The following APBB2 variants were observed in gnomAD, a reference collection of about 807,000 sequenced individuals.
APBB2 encodes Fe65-like 1.
In APBB2, 38 loss-of-function variants were observed where a neutral mutation model predicts 82.5. That is an observed-to-expected ratio of 0.46 (90% CI 0.36 to 0.60). The LOEUF is 0.60. APBB2 is among the 20% of genes least tolerant of loss of function. APBB2 has a pLI of 0.00. For missense variants in APBB2, 772 were observed against 972.3 expected (o/e 0.79, Z 2.74); for synonymous variants, 341 against 368.2 (o/e 0.93, Z 0.85).
At chr4:41,198,711 C>T in intron 1 of APBB2, among the ~76,000 whole-genome samples, 21 of 152,350 alleles carry the variant, frequency 1.4e-4, no homozygotes, top group African/African-American at 4.6e-4. Context: ...AATTTATTCT[C>T]TCTCGGTTCT....
At chr4:40,938,661 C>T (rs13123901) in intron 7 of APBB2, among the ~76,000 whole-genome samples, 33,314 of 152,080 alleles carry the variant, frequency 0.22, 4,546 homozygotes, top group East Asian at 0.52. Context: ...AAAATCTCTA[C>T]GAAGTGGTAG....
At chr4:41,007,693 C>T (rs1807146204) in intron 6 of APBB2, among the ~76,000 whole-genome samples, 3 of 152,290 alleles carry the variant, frequency 2.0e-5, no homozygotes, top group African/African-American at 7.2e-5. Context: ...TCTATTTCTA[C>T]AAGCATATTG....
chr4:41,190,297 G>A (rs1370044501), intron 1 of APBB2, among the ~76,000 whole-genome samples: 1 of 134,422 alleles, frequency 7.4e-6, no homozygotes, highest in East Asian at 2.1e-4. Context: ...CGTCGCCCAG[G>A]CTGGAGCGCA....
At chr4:41,204,698 A>G (rs1174489871) in intron 1 of APBB2, among the ~76,000 whole-genome samples, 2 of 152,324 alleles carry the variant, frequency 1.3e-5, no homozygotes, top group South Asian at 4.1e-4. Flanking sequence ...CATCCTGGTC[A>G]GTGTCCACGT....
intron 4 of APBB2, among the ~76,000 whole-genome samples, chr4:41,037,626 A>AT (rs937335874): frequency 6.6e-6 from 1 of 152,166 alleles, no homozygotes; most frequent in African/African-American, 2.4e-5. Context: ...CTAGTACCAC[A>AT]TTTTTTAACG....
rs1338829081 is a variant in APBB2 at position 40,814,715 on chromosome 4, T to C, written c.*1377A>G. ...GAGATTGATCGCCTTAGCAACTTCC[T>C]TTTAAAACGACAATGTCAACGAGAG... On this transcript the variant is annotated 3_prime_UTR_variant, in exon 18 of 18. Coordinates refer to ENST00000508593, the MANE Select transcript of APBB2 (RefSeq NM_004307.2). 6.6e-6 allele frequency: 1 copy of C among 152,204 alleles called. No individual in the cohort carries two copies. The highest frequency in any genetic ancestry group is 2.1e-4 in the South Asian group (1 of 4,832). The allele number at this position is 152,204 out of a possible 1,614,324, so 9.4% of individuals were successfully genotyped here.
intron 7 of APBB2, chr4:40,935,703 TAACAAAAAAC>T (rs1785219188): frequency 6.7e-6 from 1 of 148,798 alleles, no homozygotes; most frequent in Admixed American, 6.7e-5. Context: ...AAATTTAACC[TAACAAAAAAC>T]AACTCTAAAC....
At chr4:41,184,520 T>C (rs1772339159) in intron 1 of APBB2, among the ~76,000 whole-genome samples, 1 of 152,180 alleles carries the variant, frequency 6.6e-6, no homozygotes, top group South Asian at 2.1e-4. Context: ...TTAATTCCTT[T>C]AGACCTCTGT....
chr4:41,008,433 G>A (rs1368263948), intron 6 of APBB2, among the ~76,000 whole-genome samples: 1 of 151,178 alleles, frequency 6.6e-6, no homozygotes, highest in Non-Finnish European at 1.5e-5. Flanking sequence ...TATGCAGATG[G>A]CTCCCATTTT....
chr4:40,973,595 G>T (rs995606861), intron 6 of APBB2, among the ~76,000 whole-genome samples: 1 of 152,198 alleles, frequency 6.6e-6, no homozygotes, highest in African/African-American at 2.4e-5. Flanking sequence ...AAACTGAGTG[G>T]TTTAAAACAA....
chr4:41,006,035 T>C (rs1806613649), intron 6 of APBB2, among the ~76,000 whole-genome samples: 1 of 152,218 alleles, frequency 6.6e-6, no homozygotes, highest in Non-Finnish European at 1.5e-5. Flanking sequence ...CTCATCTCAT[T>C]GTAATCACCT....
intron 5 of APBB2, among the ~76,000 whole-genome samples, chr4:41,021,613 ACTCTGTAAAATGGTCCGTTCAGTG>A (rs1235109840): frequency 1.3e-5 from 2 of 152,182 alleles, no homozygotes; most frequent in Admixed American, 1.3e-4. Flanking sequence ...ACCAATCAGC[ACTCTGTAAAATGGTCCGTTCAGTG>A]CTCTGTAAAA....
At chr4:41,091,991 A>T (rs1343586824) in intron 3 of APBB2, among the ~76,000 whole-genome samples, 1 of 152,230 alleles carries the variant, frequency 6.6e-6, no homozygotes, top group Non-Finnish European at 1.5e-5. Flanking sequence ...ATTTATGTAA[A>T]GGGCCAGGCA....
intron 10 of APBB2, among the ~76,000 whole-genome samples, chr4:40,899,614 C>T (rs1189447882): frequency 1.3e-5 from 2 of 152,214 alleles, no homozygotes; most frequent in Admixed American, 6.5e-5. Context: ...TGAAGAAGGG[C>T]AAGTGGCTGG....
At chr4:40,903,862 T>A (rs536817436) in intron 10 of APBB2, among the ~76,000 whole-genome samples, 15 of 152,248 alleles carry the variant, frequency 9.9e-5, no homozygotes, top group Non-Finnish European at 1.9e-4. Flanking sequence ...GGGGGTCAGG[T>A]GGAAAAAAGC....
At chr4:41,026,865 C>A (rs902884224) in intron 5 of APBB2, among the ~76,000 whole-genome samples, 4 of 152,032 alleles carry the variant, frequency 2.6e-5, no homozygotes, top group Non-Finnish European at 5.9e-5. Context: ...TAGAAATTGA[C>A]CCTTCTGGTC....
At chr4:40,966,338 C>T (rs1236632679) in intron 6 of APBB2, among the ~76,000 whole-genome samples, 2 of 152,206 alleles carry the variant, frequency 1.3e-5, no homozygotes, top group South Asian at 4.1e-4. Context: ...CAGCGGTAGC[C>T]CATCTGGAGT....
At chr4:41,001,645 A>C (rs543785757) in intron 6 of APBB2, among the ~76,000 whole-genome samples, 2 of 152,338 alleles carry the variant, frequency 1.3e-5, no homozygotes, top group South Asian at 2.1e-4. Context: ...TGGGAGGCCA[A>C]GGCAGGCGGA....
chr4:40,857,265 T>C (rs1186162346), intron 12 of APBB2: 10 of 773,600 alleles, frequency 1.3e-5, no homozygotes, highest in Admixed American at 6.3e-5. Context: ...CGCACTCCCG[T>C]GAAGTGCTCC....
Sources: gnomAD v4.1 joint callset for allele counts (sites outside exome capture counted in the v4.1 genomes callset) on GRCh38, gnomAD v4.1.1 for gene constraint, MANE v1.5 for transcripts, NCBI Gene and HGNC (gene_info 2026-07-23, HGNC 2026-07-21) for gene names.